CSMD1: variants seen among roughly 807,000 people sequenced by gnomAD.
CSMD1 encodes CUB and sushi domain-containing protein 1.
In CSMD1, 213 loss-of-function variants were observed where a neutral mutation model predicts 417.5. The observed-to-expected ratio is 0.51, with a 90% CI of 0.46 to 0.57. The LOEUF is 0.57. CSMD1 is among the 20% of genes least tolerant of loss of function. The pLI is 0.00. For missense variants in CSMD1, 6,923 were observed against 4,529.7 expected (o/e 1.53, Z -15.17); for synonymous variants, 2,862 against 1,736.8 (o/e 1.65, Z -16.11).
At chr8:4,571,608 T>A (rs57829065) in intron 2 of CSMD1, among the ~76,000 whole-genome samples, 1 of 152,244 alleles carries the variant, frequency 6.6e-6, no homozygotes, top group Non-Finnish European at 1.5e-5. Context: ...CTGAGAAGAA[T>A]GTGAACTCTG....
rs1278447837 is a variant in CSMD1, at chr8:4,804,735, C to T, written c.86-167177G>A. Among the ~76,000 whole-genome samples the T allele has an allele frequency of 2.0e-5, 3 of 152,138 alleles. No individual in the cohort carries two copies. The East Asian group carries it at 5.8e-4, about 29-fold the overall frequency. ...ATCCTTATGACTGCTATATGAAATG[C>T]CTGCAAGCCTTCAAGAAAAGTATCT... On this transcript the variant is annotated intron_variant, in intron 1 of 69. Transcript: ENST00000635120.
At chr8:4,817,358 C>T (rs1483126129) in intron 1 of CSMD1, among the ~76,000 whole-genome samples, 1 of 152,176 alleles carries the variant, frequency 6.6e-6, no homozygotes, top group African/African-American at 2.4e-5. Flanking sequence ...GATAAAACAT[C>T]TATAACAAAT....
chr8:3,377,851 T>C (rs1437815960), intron 18 of CSMD1, among the ~76,000 whole-genome samples: 1 of 152,198 alleles, frequency 6.6e-6, no homozygotes, highest in East Asian at 1.9e-4. Context: ...GTATGTAAAA[T>C]GTATTAGTCT....
chr8:4,960,843 A>G (rs922543751), intron 1 of CSMD1, among the ~76,000 whole-genome samples: 7 of 152,152 alleles, frequency 4.6e-5, no homozygotes, highest in African/African-American at 1.2e-4. Context: ...CATTTACATC[A>G]TAAGTTATAT....
intron 3 of CSMD1, among the ~76,000 whole-genome samples, chr8:4,139,774 T>C (rs1046383787): frequency 1.3e-5 from 2 of 151,036 alleles, no homozygotes; most frequent in Admixed American, 6.6e-5. Flanking sequence ...CACTTAGATG[T>C]TTGCACACTG....
intron 7 of CSMD1, among the ~76,000 whole-genome samples, chr8:3,687,120 T>A (rs753463304): frequency 6.6e-6 from 1 of 152,232 alleles, no homozygotes; most frequent in African/African-American, 2.4e-5. Context: ...CTATACTAAT[T>A]TAAAACCAGA....
At chr8:3,300,629 A>T (rs1804318864) in intron 25 of CSMD1, among the ~76,000 whole-genome samples, 1 of 152,068 alleles carries the variant, frequency 6.6e-6, no homozygotes, top group African/African-American at 2.4e-5. Context: ...ATTTACTTAC[A>T]AGACTACTTG....
intron 3 of CSMD1, among the ~76,000 whole-genome samples, chr8:4,272,262 G>A (rs1422810373): frequency 3.9e-5 from 6 of 152,160 alleles, no homozygotes; most frequent in South Asian, 2.1e-4. Context: ...TTCGAATCTG[G>A]GACTTTAAGA....
At chr8:3,867,576 G>T (rs978191742) in intron 5 of CSMD1, among the ~76,000 whole-genome samples, 3 of 152,058 alleles carry the variant, frequency 2.0e-5, no homozygotes, top group African/African-American at 7.2e-5. Context: ...AATGAACTGT[G>T]TGGATATCTG....
chr8:4,185,256 C>A (rs1584980253), intron 3 of CSMD1, among the ~76,000 whole-genome samples: 2 of 151,964 alleles, frequency 1.3e-5, no homozygotes, highest in African/African-American at 4.8e-5. Context: ...TGGCCCTACC[C>A]CTTGCAATTC....
In CSMD1 at chr8:4,806,429, A is replaced by G. The variant is rs76625022; in HGVS notation, c.86-168871T>C. Reference sequence around the variant, plus strand: ...CTTTGCCATAAAAGTCCCCTGGATGATGTTAGTGCCATCAACACCCTGCCT... The same window carrying G: ...CTTTGCCATAAAAGTCCCCTGGATGGTGTTAGTGCCATCAACACCCTGCCT... On this transcript the variant is annotated intron_variant, in intron 1 of 69. Coordinates refer to ENST00000635120, the MANE Select transcript of CSMD1 (RefSeq NM_033225.6). Among the ~76,000 whole-genome samples the G allele has an allele frequency of 5.9e-3, 895 of 150,560 alleles. 8 individuals carry two copies. The highest frequency in any genetic ancestry group is 0.021 in the African/African-American group (868 of 40,966).
At chr8:4,453,339 C>G (rs1383672674) in intron 2 of CSMD1, among the ~76,000 whole-genome samples, 1 of 152,162 alleles carries the variant, frequency 6.6e-6, no homozygotes, top group Non-Finnish European at 1.5e-5. Context: ...CCACTGGGAA[C>G]CAACTGCCCC....
intron 5 of CSMD1, among the ~76,000 whole-genome samples, chr8:3,867,036 C>G (rs1327391203): frequency 6.6e-6 from 1 of 152,072 alleles, no homozygotes; most frequent in East Asian, 1.9e-4. Flanking sequence ...AATTAATGCA[C>G]TTGTAGAATT....
At chr8:4,071,182 C>T (rs1171957272) in intron 3 of CSMD1, among the ~76,000 whole-genome samples, 1 of 151,852 alleles carries the variant, frequency 6.6e-6, no homozygotes, top group East Asian at 1.9e-4. Context: ...TAGTTTCTCC[C>T]TTATTCTCCC....
rs1172346206 is a variant in CSMD1, at chr8:4,244,045, T to G, written c.415+175908A>C. Among the ~76,000 whole-genome samples the G allele has an allele frequency of 3.9e-5, 6 of 152,300 alleles. No homozygotes were observed. In the East Asian group the frequency reaches 1.2e-3, roughly 29 times the overall value. ...TTTAACCTGGCTGCAGGCTCTTTGT[T>G]TTTATGTTAAAGTGCAGGTAGTCCT... On this transcript the variant is annotated intron_variant, in intron 3 of 69. Coordinates refer to ENST00000635120, the MANE Select transcript of CSMD1 (RefSeq NM_033225.6).
At chr8:3,366,795 A>G (rs1348171717) in intron 20 of CSMD1, among the ~76,000 whole-genome samples, 2 of 152,220 alleles carry the variant, frequency 1.3e-5, no homozygotes, top group African/African-American at 4.8e-5. Flanking sequence ...TTCAAAGACG[A>G]GAATTCACAA....
intron 1 of CSMD1, among the ~76,000 whole-genome samples, chr8:4,843,138 C>A (rs1259355390): frequency 2.6e-5 from 4 of 152,106 alleles, no homozygotes; most frequent in Non-Finnish European, 5.9e-5. Context: ...AACAAACATG[C>A]CCAAGGGTAC....
intron 5 of CSMD1, among the ~76,000 whole-genome samples, chr8:3,988,544 C>T (rs1271804500): frequency 1.3e-5 from 2 of 152,200 alleles, no homozygotes; most frequent in East Asian, 3.9e-4. Context: ...TCTGGACTCA[C>T]TCCAGAACTG....
At chr8:3,094,800 C>CAAAAAAAA (rs33991879) in intron 47 of CSMD1, among the ~76,000 whole-genome samples, 9 of 105,400 alleles carry the variant, frequency 8.5e-5, no homozygotes, top group African/African-American at 1.1e-4. Flanking sequence ...GCCCGTCTTA[C>CAAAAAAAA]AAAAAAAAAA....
Sources: gnomAD v4.1 joint callset for allele counts (sites outside exome capture counted in the v4.1 genomes callset) on GRCh38, gnomAD v4.1.1 for gene constraint, MANE v1.5 for transcripts, NCBI Gene and HGNC (gene_info 2026-07-23, HGNC 2026-07-21) for gene names.